Variants in NEO1 observed in about 807,000 individuals in gnomAD.
The protein encoded by NEO1 is neogenin 1, also known as neogenin.
In NEO1, 63 loss-of-function variants were observed where a neutral mutation model predicts 159.7. That is an observed-to-expected ratio of 0.39 (90% CI 0.32 to 0.49). The LOEUF is 0.49. Ranked by LOEUF, NEO1 falls within the 20% of genes least tolerant of loss-of-function variation. The pLI is 0.85. For synonymous variants in NEO1, 633 were observed against 662.0 expected, an observed-to-expected ratio of 0.96 and a Z score of 0.67; for missense variants, 1,615 against 1,831.0, an observed-to-expected ratio of 0.88 and a Z score of 2.15.
At chr15:73,272,000 A>C (rs1435879394) in intron 18 of NEO1, among the ~76,000 whole-genome samples, 1 of 152,158 alleles carries the variant, frequency 6.6e-6, no homozygotes, top group African/African-American at 2.4e-5. Flanking sequence ...ATTCTAACAA[A>C]ATAATCCAGT....
rs559679307 is a variant in NEO1, at chr15:73,263,491, G to A, written c.2399-2825G>A. The stretch of plus-strand genomic sequence containing the variant: ...ATTACAGGCGTGAGCCACTGCACCC[G>A]GCCTCATTGTTGATTTTAAAAGCAA... On this transcript the variant is annotated intron_variant, in intron 15 of 28. Transcript: ENST00000261908. Among the ~76,000 whole-genome samples the A allele has an allele frequency of 4.0e-5, 6 of 151,892 alleles. No individual in the cohort carries two copies. In the South Asian group the frequency reaches 6.2e-4, roughly 16 times the overall value.
intron 21 of NEO1, among the ~76,000 whole-genome samples, chr15:73,276,022 A>G (rs1025108374): frequency 1.3e-5 from 2 of 152,204 alleles, no homozygotes; most frequent in African/African-American, 2.4e-5. Flanking sequence ...TTTGCACTAC[A>G]TTGGAGAAAC....
intron 1 of NEO1, among the ~76,000 whole-genome samples, chr15:73,059,506 C>T (rs902894316): frequency 6.6e-6 from 1 of 152,084 alleles, no homozygotes; most frequent in Non-Finnish European, 1.5e-5. Context: ...TCTTTGAGGG[C>T]TAATTATGCA....
chr15:73,093,290 G>A (rs776883503), intron 1 of NEO1, among the ~76,000 whole-genome samples: 1 of 152,144 alleles, frequency 6.6e-6, no homozygotes, highest in Non-Finnish European at 1.5e-5. Context: ...CCCTGGTAAA[G>A]TCACCTACCT....
chr15:73,070,870 CTG>C (rs1046647688), intron 1 of NEO1, among the ~76,000 whole-genome samples: 1 of 152,196 alleles, frequency 6.6e-6, no homozygotes, highest in African/African-American at 2.4e-5. Flanking sequence ...GAAAGCAAAA[CTG>C]TGGATAAGGA....
intron 7 of NEO1, among the ~76,000 whole-genome samples, chr15:73,205,556 A>T (rs2037162704): frequency 6.6e-6 from 1 of 152,194 alleles, no homozygotes; most frequent in African/African-American, 2.4e-5. Flanking sequence ...AGTCACCCCT[A>T]AGACTGTGGC....
At chr15:73,180,807 A>G (rs949617983) in intron 7 of NEO1, among the ~76,000 whole-genome samples, 1 of 152,200 alleles carries the variant, frequency 6.6e-6, no homozygotes, top group Non-Finnish European at 1.5e-5. Flanking sequence ...GTTATTGGGC[A>G]TGTATTAAAG....
chr15:73,259,370 A>ATTT (rs10623352), intron 14 of NEO1, among the ~76,000 whole-genome samples: 38,922 of 135,224 alleles, frequency 0.29, 6,917 homozygotes, highest in Non-Finnish European at 0.38. Context: ...CATTTTACTA[A>ATTT]TTTTTTTTTT....
intron 1 of NEO1, among the ~76,000 whole-genome samples, chr15:73,054,310 T>G (rs2067601636): frequency 6.6e-6 from 1 of 152,252 alleles, no homozygotes; most frequent in African/African-American, 2.4e-5. Flanking sequence ...ACTAAAATGC[T>G]AGTAATTTTA....
intron 7 of NEO1, among the ~76,000 whole-genome samples, chr15:73,191,851 T>G (rs780548044): frequency 5.9e-4 from 90 of 152,186 alleles, no homozygotes; most frequent in Non-Finnish European, 8.5e-4. Flanking sequence ...ATTTACTTTT[T>G]AACCCTTCTC....
intron 2 of NEO1, 116 bp downstream of exon 2, chr15:73,116,973 T>G (rs2071361407): frequency 2.5e-6 from 2 of 800,706 alleles, no homozygotes; most frequent in African/African-American, 3.5e-5. Context: ...TATACTCATT[T>G]AACAGATATC....
chr15:73,229,501 T>C (rs2038790942), intron 7 of NEO1, among the ~76,000 whole-genome samples: 1 of 151,748 alleles, frequency 6.6e-6, no homozygotes, highest in Admixed American at 6.6e-5. Flanking sequence ...TAGATAATTA[T>C]GTCATTCACA....
intron 5 of NEO1, among the ~76,000 whole-genome samples, chr15:73,153,763 C>A (rs182444062): frequency 6.6e-6 from 1 of 152,134 alleles, no homozygotes; most frequent in African/African-American, 2.4e-5. Context: ...TGATACTGAA[C>A]AAAATTTAGT....
chr15:73,208,057 T>G (rs904253490), intron 7 of NEO1, among the ~76,000 whole-genome samples: 2 of 152,242 alleles, frequency 1.3e-5, no homozygotes, highest in African/African-American at 4.8e-5. Context: ...ACATTTTGAT[T>G]TTTCCTTCTG....
At chr15:73,293,629 T>C in intron 26 of NEO1, 81 bp downstream of exon 26, 1 of 1,402,126 alleles carries the variant, frequency 7.1e-7, no homozygotes, top group Admixed American at 2.5e-5. Context: ...TTGCCCTACT[T>C]AGAAGAGGGA....
At chr15:73,063,384 GTTA>G (rs2068064636) in intron 1 of NEO1, among the ~76,000 whole-genome samples, 1 of 152,024 alleles carries the variant, frequency 6.6e-6, no homozygotes, top group African/African-American at 2.4e-5. Flanking sequence ...AATGTAAACT[GTTA>G]TTATTGTCGT....
intron 14 of NEO1, among the ~76,000 whole-genome samples, chr15:73,259,730 C>T (rs1051206853): frequency 6.6e-6 from 1 of 152,134 alleles, no homozygotes; most frequent in South Asian, 2.1e-4. Context: ...TGTAAATTTC[C>T]TCCTTTGTAA....
At chr15:73,192,207 C>A (rs2036273009) in intron 7 of NEO1, among the ~76,000 whole-genome samples, 1 of 151,872 alleles carries the variant, frequency 6.6e-6, no homozygotes, top group Non-Finnish European at 1.5e-5. Context: ...TAAGTTGAGA[C>A]CTGAGGGTTA....
chr15:73,279,644 C>T (rs913402976), intron 22 of NEO1, among the ~76,000 whole-genome samples: 5 of 152,084 alleles, frequency 3.3e-5, no homozygotes, highest in Non-Finnish European at 7.4e-5. Flanking sequence ...CCACCACGCC[C>T]GGGGCCCGCG....
Sources: gnomAD v4.1 joint callset for allele counts (sites outside exome capture counted in the v4.1 genomes callset) on GRCh38, gnomAD v4.1.1 for gene constraint, MANE v1.5 for transcripts, NCBI Gene and HGNC (gene_info 2026-07-23, HGNC 2026-07-21) for gene names.